Variants in UNC5D observed in about 807,000 individuals in gnomAD.
UNC5D encodes the protein netrin receptor UNC5D.
In UNC5D, 39 loss-of-function variants were observed where a neutral mutation model predicts 105.4. That is an observed-to-expected ratio of 0.37 (90% CI 0.29 to 0.48). The LOEUF is 0.48. Ranked by LOEUF, UNC5D falls within the 20% of genes least tolerant of loss-of-function variation. The pLI is 0.98. For synonymous variants in UNC5D, 452 were observed against 450.4 expected (o/e 1.00, Z -0.04); for missense variants, 991 against 1,202.4 (o/e 0.82, Z 2.60).
intron 1 of UNC5D, among the ~76,000 whole-genome samples, chr8:35,279,470 T>C (rs2980385): frequency 0.82 from 124,742 of 152,122 alleles, 51,607 homozygotes; most frequent in East Asian, 1. Flanking sequence ...TGGCAAATTG[T>C]CCCCAAGTGG....
intron 1 of UNC5D, among the ~76,000 whole-genome samples, chr8:35,375,570 G>T (rs1802652388): frequency 6.6e-6 from 1 of 152,080 alleles, no homozygotes; most frequent in African/African-American, 2.4e-5. Context: ...TAACAAATAA[G>T]ATTAATGGTG....
intron 14 of UNC5D, among the ~76,000 whole-genome samples, chr8:35,760,815 A>T (rs1442987760): frequency 2.6e-5 from 4 of 151,820 alleles, no homozygotes; most frequent in Non-Finnish European, 2.9e-5. Flanking sequence ...CCAGCTTGTC[A>T]GAATGGGAAC....
chr8:35,263,084 C>T (rs1225663943), intron 1 of UNC5D, among the ~76,000 whole-genome samples: 1 of 152,142 alleles, frequency 6.6e-6, no homozygotes, highest in Non-Finnish European at 1.5e-5. Flanking sequence ...ATATCATGAA[C>T]TTTTCATAGC....
intron 2 of UNC5D, among the ~76,000 whole-genome samples, chr8:35,549,816 A>G (rs559805855): frequency 6.6e-6 from 1 of 152,174 alleles, no homozygotes; most frequent in Non-Finnish European, 1.5e-5. Context: ...TTGTTTGCAG[A>G]ATTCTGAATA....
chr8:35,608,255 T>G (rs1327524327), intron 4 of UNC5D, among the ~76,000 whole-genome samples: 3 of 152,118 alleles, frequency 2.0e-5, no homozygotes, highest in African/African-American at 7.2e-5. Flanking sequence ...AGAAACTAAT[T>G]CCAAGGAGCA....
chr8:35,590,031 A>G (rs1388766404), intron 3 of UNC5D, among the ~76,000 whole-genome samples: 1 of 151,992 alleles, frequency 6.6e-6, no homozygotes, highest in African/African-American at 2.4e-5. Flanking sequence ...ACATATATTG[A>G]TGGTTCCAAA....
chr8:35,728,140 T>C (rs1262507407), intron 10 of UNC5D, among the ~76,000 whole-genome samples: 1 of 139,338 alleles, frequency 7.2e-6, no homozygotes, highest in Non-Finnish European at 1.5e-5. Context: ...CAGAATCATA[T>C]AAAGCCATGC....
At chr8:35,584,679 G>A (rs923464317) in intron 3 of UNC5D, among the ~76,000 whole-genome samples, 1 of 151,816 alleles carries the variant, frequency 6.6e-6, no homozygotes, top group Non-Finnish European at 1.5e-5. Flanking sequence ...TCAAACTCCT[G>A]GCCTGAAGAG....
intron 1 of UNC5D, among the ~76,000 whole-genome samples, chr8:35,519,116 A>G (rs1399757906): frequency 6.6e-6 from 1 of 152,064 alleles, no homozygotes; most frequent in African/African-American, 2.4e-5. Context: ...TTTAGCCTGC[A>G]TGAGTCTAGT....
At chr8:35,666,023 C>T (rs1824398351) in intron 4 of UNC5D, among the ~76,000 whole-genome samples, 1 of 150,084 alleles carries the variant, frequency 6.7e-6, no homozygotes, top group East Asian at 2.0e-4. Context: ...GGGATATTTC[C>T]TTCTTGAATG....
In UNC5D at chr8:35,553,464, A is replaced by G. The variant is rs775017189; in HGVS notation, c.322+3954A>G. Among the ~76,000 whole-genome samples the G allele has an allele frequency of 2.6e-5, 4 of 152,236 alleles. 1 individual carries two copies. The highest frequency in any genetic ancestry group is 5.9e-5 in the Non-Finnish European group (4 of 68,036). ...ATATTATATACCGATTTTTAAAAATATGCTGTTGAGAAAGGATTTAAATTT... is the reference window on the plus strand; with the variant it reads ...ATATTATATACCGATTTTTAAAAATGTGCTGTTGAGAAAGGATTTAAATTT... On this transcript the variant is annotated intron_variant, in intron 2 of 16. Transcript: ENST00000404895.
At chr8:35,479,748 T>C (rs1585938165) in intron 1 of UNC5D, among the ~76,000 whole-genome samples, 1 of 152,156 alleles carries the variant, frequency 6.6e-6, no homozygotes, top group East Asian at 1.9e-4. Context: ...TGAATACATA[T>C]GGGAACAATA....
intron 1 of UNC5D, among the ~76,000 whole-genome samples, chr8:35,287,716 AG>A (rs1806711954): frequency 6.6e-6 from 1 of 152,016 alleles, no homozygotes. Flanking sequence ...CTGAGGTTGG[AG>A]GATTGCTTGA....
At chr8:35,494,606 A>G (rs1040409506) in intron 1 of UNC5D, among the ~76,000 whole-genome samples, 1 of 152,202 alleles carries the variant, frequency 6.6e-6, no homozygotes, top group Non-Finnish European at 1.5e-5. Context: ...TCCCCATTCA[A>G]CTACTTGCTA....
intron 1 of UNC5D, among the ~76,000 whole-genome samples, chr8:35,408,048 T>G (rs1158236367): frequency 6.6e-6 from 1 of 152,164 alleles, no homozygotes; most frequent in African/African-American, 2.4e-5. Context: ...TAAACTGCAA[T>G]TATTCCTTAA....
intron 4 of UNC5D, among the ~76,000 whole-genome samples, chr8:35,676,055 C>T (rs981976210): frequency 6.6e-6 from 1 of 152,078 alleles, no homozygotes; most frequent in Non-Finnish European, 1.5e-5. Context: ...GGCTCCCTCT[C>T]CAATCTGTTT....
chr8:35,458,619 G>A (rs1383554458), intron 1 of UNC5D, among the ~76,000 whole-genome samples: 2 of 152,158 alleles, frequency 1.3e-5, no homozygotes, highest in African/African-American at 4.8e-5. Flanking sequence ...GAGGTGTGCC[G>A]AGAGCACAGC....
At chr8:35,695,497 C>T (rs568797007) in intron 7 of UNC5D, among the ~76,000 whole-genome samples, 5 of 152,150 alleles carry the variant, frequency 3.3e-5, no homozygotes, top group African/African-American at 1.2e-4. Flanking sequence ...TAAATAGCCA[C>T]TGCACTTCAA....
At chr8:35,679,305 G>A (rs1472901276) in intron 4 of UNC5D, among the ~76,000 whole-genome samples, 2 of 152,104 alleles carry the variant, frequency 1.3e-5, no homozygotes, top group Non-Finnish European at 2.9e-5. Context: ...AGAAAAAGCA[G>A]GAAGGGGTGG....
Sources: gnomAD v4.1 joint callset for allele counts (sites outside exome capture counted in the v4.1 genomes callset) on GRCh38, gnomAD v4.1.1 for gene constraint, MANE v1.5 for transcripts, NCBI Gene and HGNC (gene_info 2026-07-23, HGNC 2026-07-21) for gene names.